The following COL5A1 variants were observed in gnomAD, a reference collection of about 807,000 sequenced individuals.
The protein encoded by COL5A1 is collagen type V alpha 1 chain, also known as collagen alpha-1(V) chain.
Under a neutral mutation model 263.7 loss-of-function variants are expected in COL5A1, and 16 were observed. That is an observed-to-expected ratio of 0.06 (90% CI 0.04 to 0.09). The LOEUF (loss-of-function observed/expected upper bound fraction) is 0.09. Ranked by LOEUF, COL5A1 falls within the 10% of genes least tolerant of loss-of-function variation. COL5A1 has a pLI of 1.00. For missense variants in COL5A1, 2,036 were observed against 2,540.5 expected (o/e 0.80, Z 4.27); for synonymous variants, 1,012 against 1,004.5 (o/e 1.01, Z -0.14).
chr9:134,689,047 C>A (rs940698785), intron 1 of COL5A1, among the ~76,000 whole-genome samples: 1 of 152,196 alleles, frequency 6.6e-6, no homozygotes, highest in African/African-American at 2.4e-5. Flanking sequence ...ACAGTGCCCG[C>A]GCTGAGTCCC....
chr9:134,829,917 G>T, intron 63 of COL5A1, 59 bp from the exon 64 acceptor site: 1 of 1,556,768 alleles, frequency 6.4e-7, no homozygotes, highest in South Asian at 1.2e-5. Context: ...TCTGGAGGCC[G>T]GAGAAGTAAC....
chr9:134,792,143 G>A (rs982695461), intron 32 of COL5A1, among the ~76,000 whole-genome samples: 3 of 152,254 alleles, frequency 2.0e-5, no homozygotes, highest in Non-Finnish European at 2.9e-5. Context: ...CAAGGGAGAC[G>A]TGGGAGTGGG....
At position 134,680,714 on chromosome 9, in the gene COL5A1, C is replaced by T. The variant is rs1832828285; in HGVS notation, c.110-10198C>T. Among the ~76,000 whole-genome samples the T allele has an allele frequency of 1.3e-5, 2 of 152,206 alleles. No homozygotes were observed. The highest frequency in any genetic ancestry group is 6.5e-5 in the Admixed American group (1 of 15,290). ...ATGATGGGGTCTTGCAGGACGGTGA[C>T]ACTGGTGAGGAGATGGACCTGTGAC... On this transcript the variant is annotated intron_variant, in intron 1 of 65. Coordinates refer to ENST00000371817, the MANE Select transcript of COL5A1 (RefSeq NM_000093.5). The surrounding 1 kb of genome is among the most constrained non-coding windows in gnomAD (Gnocchi z 5.9).
At chr9:134,707,497 T>G (rs1205945205) in intron 4 of COL5A1, among the ~76,000 whole-genome samples, 2 of 150,576 alleles carry the variant, frequency 1.3e-5, no homozygotes, top group African/African-American at 4.9e-5. Flanking sequence ...GGGCCTGTGC[T>G]GAGTGGGCCT....
At chr9:134,654,707 G>A (rs1564368102) in intron 1 of COL5A1, among the ~76,000 whole-genome samples, 1 of 140,992 alleles carries the variant, frequency 7.1e-6, no homozygotes, top group Admixed American at 7.0e-5. Flanking sequence ...AGGGCTGTAG[G>A]TGTGTAGGGC....
intron 1 of COL5A1, among the ~76,000 whole-genome samples, chr9:134,669,235 T>TTCCCTTCCCTTCCCTTCCCTTC (rs1564376301): frequency 1.5e-4 from 3 of 20,158 alleles, no homozygotes; most frequent in Non-Finnish European, 2.1e-4. Context: ...CCCTTCCCTT[T>TTCCCTTCCCTTCCCTTCCCTTC]CCTTCCCTTC....
At chr9:134,655,990 T>C (rs1831958509) in intron 1 of COL5A1, among the ~76,000 whole-genome samples, 3 of 152,154 alleles carry the variant, frequency 2.0e-5, no homozygotes, top group African/African-American at 7.2e-5. Context: ...CCTGGTGTTT[T>C]CTGGGATTGA....
chr9:134,801,896 AG>A, intron 37 of COL5A1, 57 bp from the exon 38 acceptor site: 2 of 1,509,888 alleles, frequency 1.3e-6, no homozygotes, highest in Non-Finnish European at 1.8e-6. Flanking sequence ...AGAACAGTGC[AG>A]GGCAGGGTGG....
chr9:134,822,229 C>A, intron 59 of COL5A1, 79 bp downstream of exon 59: 1 of 1,248,294 alleles, frequency 8.0e-7, no homozygotes, highest in Non-Finnish European at 1.2e-6. Flanking sequence ...CAGTGTGGAG[C>A]TAGAGAATTG....
intron 1 of COL5A1, among the ~76,000 whole-genome samples, chr9:134,653,936 G>T (rs952483010): frequency 7.1e-6 from 1 of 139,928 alleles, no homozygotes; most frequent in Non-Finnish European, 1.5e-5. Context: ...GCTGGTGTAT[G>T]TAGGGCTGGA....
chr9:134,723,956 C>A (rs1834556556), intron 4 of COL5A1, among the ~76,000 whole-genome samples: 1 of 152,194 alleles, frequency 6.6e-6, no homozygotes, highest in South Asian at 2.1e-4. Flanking sequence ...ACCACAGACA[C>A]ATACCCCACT....
chr9:134,820,951 G>A (rs914780435), intron 58 of COL5A1, among the ~76,000 whole-genome samples: 16 of 152,276 alleles, frequency 1.1e-4, no homozygotes, highest in African/African-American at 2.9e-4. Context: ...CATAGGATGC[G>A]GGGGACAGGG....
In COL5A1 at chr9:134,754,337, C is replaced by T. The variant is rs374795810; in HGVS notation, c.1827+11C>T. On this transcript the variant is annotated intron_variant, in intron 16 of 65. Transcript: ENST00000371817. This position sits in a 1 kb window ranked among gnomAD's most constrained non-coding sequence, Gnocchi z 4.3. Reference sequence around the variant, plus strand: ...AAGCCCGGAAGACGGGTGAGTGGTGCGAGTGTGTGTGGTTTAGTGACAGCA... The same window carrying T: ...AAGCCCGGAAGACGGGTGAGTGGTGTGAGTGTGTGTGGTTTAGTGACAGCA... 81 of 1,613,836 alleles carry T rather than the reference C, an allele frequency of 5.0e-5. 1 individual carries two copies. Among genetic ancestry groups the T allele is most frequent in the Middle Eastern group, 3.3e-4 (2 of 6,084 alleles).
chr9:134,715,964 G>C (rs1007988302), intron 4 of COL5A1, among the ~76,000 whole-genome samples: 19 of 142,460 alleles, frequency 1.3e-4, no homozygotes, highest in Non-Finnish European at 2.4e-4. Context: ...TAGTGATGAA[G>C]ATGATGGTGA....
chr9:134,829,172 T>G (rs1012461471), intron 63 of COL5A1, among the ~76,000 whole-genome samples: 2 of 152,230 alleles, frequency 1.3e-5, no homozygotes, highest in Non-Finnish European at 2.9e-5. Context: ...TTTCCAGCAG[T>G]GACTGAGCAC....
chr9:134,713,460 G>T (rs1834139758), intron 4 of COL5A1, among the ~76,000 whole-genome samples: 2 of 152,218 alleles, frequency 1.3e-5, no homozygotes, highest in African/African-American at 4.8e-5. Flanking sequence ...ATCTGTCACT[G>T]TCCCATCACA....
Position 134,677,094 on chromosome 9 carries a change from G to A in COL5A1, c.110-13818G>A, listed in dbSNP as rs1314799036. On this transcript the variant is annotated intron_variant, in intron 1 of 65. Transcript: ENST00000371817. The surrounding 1 kb of genome is among the most constrained non-coding windows in gnomAD (Gnocchi z 4.4). ...TGCTGGGGAGACACAGAAGAGGCAG[G>A]GACACCAGGAAGCGGCGGTCCATCC... Among the ~76,000 whole-genome samples the A allele has an allele frequency of 6.6e-6, 1 of 152,196 alleles. No homozygotes were observed. Among genetic ancestry groups the A allele is most frequent in the Non-Finnish European group, 1.5e-5 (1 of 68,034 alleles).
rs919342493 is a variant in COL5A1 at position 134,794,409 on chromosome 9, G to A, written c.2701-673G>A. 1.3e-5 allele frequency among the ~76,000 whole-genome samples: 2 copies of A among 151,954 alleles called. No individual in the cohort carries two copies. The highest frequency in any genetic ancestry group is 4.8e-5 in the African/African-American group (2 of 41,368). On this transcript the variant is annotated intron_variant, in intron 32 of 65. Coordinates refer to ENST00000371817, the MANE Select transcript of COL5A1 (RefSeq NM_000093.5). This position sits in a 1 kb window ranked among gnomAD's most constrained non-coding sequence, Gnocchi z 4.3. The stretch of plus-strand genomic sequence containing the variant: ...CGGTGGGGGATGTAGGGGCCCCTGC[G>A]TGTTCAGCCCGTGGCTTCCGTGTAA...
At chr9:134,799,964 C>T (rs1838047666) in intron 37 of COL5A1, among the ~76,000 whole-genome samples, 1 of 152,212 alleles carries the variant, frequency 6.6e-6, no homozygotes, top group Non-Finnish European at 1.5e-5. Flanking sequence ...CCCCGGCCAC[C>T]TCTCTAGACA....
Sources: gnomAD v4.1 joint callset for allele counts (sites outside exome capture counted in the v4.1 genomes callset) on GRCh38, gnomAD v4.1.1 for gene constraint, Gnocchi (gnomAD v3.1) non-coding constraint, MANE v1.5 for transcripts, NCBI Gene and HGNC (gene_info 2026-07-23, HGNC 2026-07-21) for gene names.